CALN1: variants seen among roughly 807,000 people sequenced by gnomAD.
The protein encoded by CALN1 is calcium-binding protein 8.
Under a neutral mutation model 30.6 loss-of-function variants are expected in CALN1, and 17 were observed. The observed-to-expected ratio is 0.56, with a 90% CI of 0.38 to 0.83. The LOEUF (loss-of-function observed/expected upper bound fraction) is 0.83, where lower values mean the gene tolerates loss of function less well. Among genes scored for constraint, CALN1 ranks in the 40% least tolerant of loss-of-function variants. The pLI is 0.00. For synonymous variants in CALN1, 156 were observed against 131.4 expected (o/e 1.19, Z -1.28); for missense variants, 291 against 354.9 (o/e 0.82, Z 1.45).
At chr7:72,313,894 GCA>G (rs1387124216) in intron 2 of CALN1, among the ~76,000 whole-genome samples, 1 of 152,156 alleles carries the variant, frequency 6.6e-6, no homozygotes, top group Non-Finnish European at 1.5e-5. Context: ...GATGTGGAAG[GCA>G]CAAAGAAGAG....
At chr7:72,477,023 C>T in the CALN1 span, among the ~76,000 whole-genome samples, 2 of 152,160 alleles carry the variant, frequency 1.3e-5, no homozygotes, top group Non-Finnish European at 2.9e-5. Flanking sequence ...CCAGCCTGGC[C>T]CACATGGTGA....
In CALN1 at chr7:72,182,981, C is replaced by T. The variant is rs1276552616; in HGVS notation, c.245-76687G>A. The stretch of plus-strand genomic sequence containing the variant: ...TGAAAAGGAGTCTACGTGTGGTCAA[C>T]ACCAGAAGAAACCATCCAGTTGTCA... On this transcript the variant is annotated intron_variant, in intron 3 of 6. Transcript: ENST00000395275. 2.0e-5 allele frequency among the ~76,000 whole-genome samples: 3 copies of T among 152,092 alleles called. No individual in the cohort carries two copies. In the South Asian group the frequency reaches 6.2e-4, roughly 32 times the overall value.
At chr7:71,977,004 TA>T (rs1257143056) in intron 5 of CALN1, among the ~76,000 whole-genome samples, 3 of 152,170 alleles carry the variant, frequency 2.0e-5, no homozygotes, top group African/African-American at 7.2e-5. Flanking sequence ...CCTTTTCTAA[TA>T]AAAATACTGC....
intron 2 of CALN1, among the ~76,000 whole-genome samples, chr7:72,367,108 AT>A (rs1803923029): frequency 7.8e-6 from 1 of 128,784 alleles, no homozygotes; most frequent in African/African-American, 2.6e-5. Flanking sequence ...TATTTTAATA[AT>A]AAAAAAAAAC....
intron 2 of CALN1, among the ~76,000 whole-genome samples, chr7:72,343,146 C>A (rs927218987): frequency 3.3e-5 from 5 of 152,146 alleles, no homozygotes; most frequent in Non-Finnish European, 5.9e-5. Flanking sequence ...ATGAGAGTTG[C>A]AAGGACCTTT....
intron 1 of CALN1, among the ~76,000 whole-genome samples, chr7:72,407,763 TACTG>T (rs1310069459): frequency 1.3e-5 from 2 of 152,120 alleles, no homozygotes; most frequent in African/African-American, 2.4e-5. Flanking sequence ...TTTGCACTAA[TACTG>T]ACTGAGCTTC....
At chr7:72,105,657 C>T (rs1807037718) in intron 4 of CALN1, among the ~76,000 whole-genome samples, 1 of 151,132 alleles carries the variant, frequency 6.6e-6, no homozygotes, top group African/African-American at 2.4e-5. Context: ...CTAAGCACCA[C>T]TGAATTGTGC....
chr7:72,362,519 T>C (rs965995902), intron 2 of CALN1, among the ~76,000 whole-genome samples: 1 of 152,140 alleles, frequency 6.6e-6, no homozygotes, highest in African/African-American at 2.4e-5. Context: ...AAAATACACT[T>C]CCTTCACTTC....
intron 3 of CALN1, among the ~76,000 whole-genome samples, chr7:72,111,480 G>A (rs1342576250): frequency 6.6e-6 from 1 of 151,938 alleles, no homozygotes; most frequent in Non-Finnish European, 1.5e-5. Context: ...TTTTTTCTGA[G>A]ATAGTCTTGC....
chr7:72,341,248 C>A (rs771841577), intron 2 of CALN1, among the ~76,000 whole-genome samples: 2 of 152,276 alleles, frequency 1.3e-5, no homozygotes, highest in South Asian at 4.1e-4. Context: ...TAGGGCCAAG[C>A]ACGGTGGCTG....
rs574873238 is a variant in CALN1, at chr7:71,820,817, G to A, written c.502-10325C>T. Among the ~76,000 whole-genome samples the A allele has an allele frequency of 3.7e-3, 561 of 152,216 alleles. 4 individuals carry two copies. The highest frequency in any genetic ancestry group is 0.013 in the African/African-American group (522 of 41,540). ...AAAACTACCCTTTGCTGATACAAAG[G>A]TCCCAACAACCAGAGAGGAGGCTAT... On this transcript the variant is annotated intron_variant, in intron 5 of 6. Coordinates refer to ENST00000395275, the MANE Select transcript of CALN1 (RefSeq NM_031468.4).
At chr7:72,180,144 C>T (rs934364961) in intron 3 of CALN1, among the ~76,000 whole-genome samples, 4 of 152,188 alleles carry the variant, frequency 2.6e-5, no homozygotes, top group Non-Finnish European at 2.9e-5. Flanking sequence ...CAGAAGCCCA[C>T]GGGGTATCAT....
intron 1 of CALN1, among the ~76,000 whole-genome samples, chr7:72,418,941 A>G (rs1277834879): frequency 6.6e-6 from 1 of 152,118 alleles, no homozygotes; most frequent in Non-Finnish European, 1.5e-5. Flanking sequence ...GCTTGAGCCC[A>G]GGAGGTTGAG....
intron 3 of CALN1, among the ~76,000 whole-genome samples, chr7:72,233,303 A>G (rs1477126074): frequency 3.3e-5 from 5 of 152,094 alleles, no homozygotes; most frequent in African/African-American, 4.8e-5. Flanking sequence ...CAAGGACAGA[A>G]TAAGAGCCAA....
the CALN1 span, among the ~76,000 whole-genome samples, chr7:72,478,576 T>C: frequency 2.0e-5 from 3 of 151,438 alleles, no homozygotes; most frequent in Non-Finnish European, 2.9e-5. Context: ...CCAGTCTTCC[T>C]AAAATATTCA....
intron 5 of CALN1, among the ~76,000 whole-genome samples, chr7:71,846,256 A>C (rs1378142132): frequency 1.3e-5 from 2 of 152,176 alleles, no homozygotes; most frequent in East Asian, 3.8e-4. Context: ...GGAAAGCTGA[A>C]ACCCCTTAAG....
Position 71,851,252 on chromosome 7 carries a change from C to CACACAT in CALN1, c.502-40761_502-40760insATGTGT, listed in dbSNP as rs1491431075. Among the ~76,000 whole-genome samples the CACACAT allele has an allele frequency of 1.8e-4, 27 of 149,572 alleles. No individual in the cohort carries two copies. In the South Asian group the frequency reaches 2.1e-3, roughly 12 times the overall value. ...ACACACACACACACACACACACACA[C>CACACAT]ATCACACATATACAGCTGGGTGCAG... On this transcript the variant is annotated intron_variant, in intron 5 of 6. Transcript: ENST00000395275.
At chr7:72,152,375 G>A (rs989190617) in intron 3 of CALN1, among the ~76,000 whole-genome samples, 3 of 152,120 alleles carry the variant, frequency 2.0e-5, no homozygotes, top group Admixed American at 6.5e-5. Flanking sequence ...CATTTCTGTT[G>A]GTGTCTGATT....
chr7:71,833,623 AG>A (rs1282395250), intron 5 of CALN1, among the ~76,000 whole-genome samples: 1 of 150,216 alleles, frequency 6.7e-6, no homozygotes, highest in East Asian at 2.0e-4. Flanking sequence ...TCAGAAGACC[AG>A]GCGAGGCACA....
Sources: allele counts gnomAD v4.1 joint callset (sites outside exome capture counted in the v4.1 genomes callset), GRCh38; gene constraint gnomAD v4.1.1; transcripts MANE v1.5; gene names NCBI Gene and HGNC (gene_info 2026-07-23, HGNC 2026-07-21).